Variants in ALDH3A2 observed in about 807,000 individuals in gnomAD.
ALDH3A2 encodes the protein aldehyde dehydrogenase family 3 member A2.
In ALDH3A2, 36 loss-of-function variants were observed where a neutral mutation model predicts 51.3. That is an observed-to-expected ratio of 0.70 (90% CI 0.54 to 0.93). The LOEUF (loss-of-function observed/expected upper bound fraction) is 0.93. Among genes scored for constraint, ALDH3A2 ranks in the 40% least tolerant of loss-of-function variants. The pLI is 0.00. For missense variants in ALDH3A2, 552 were observed against 603.1 expected (o/e 0.92, Z 0.89); for synonymous variants, 199 against 219.8 (o/e 0.91, Z 0.84).
At chr17:19,667,956 A>G (rs12937946) in intron 8 of ALDH3A2, among the ~76,000 whole-genome samples, 42,373 of 152,108 alleles carry the variant, frequency 0.28, 6,352 homozygotes, top group East Asian at 0.52. Flanking sequence ...TGATCAGTAT[A>G]TGAGTGTTTA....
chr17:19,653,899 C>T (rs919000792), intron 3 of ALDH3A2, among the ~76,000 whole-genome samples: 1 of 152,144 alleles, frequency 6.6e-6, no homozygotes, highest in Non-Finnish European at 1.5e-5. Flanking sequence ...CTGATTGGTG[C>T]GTTTACAATC....
intron 6 of ALDH3A2, chr17:19,662,199 T>G (rs1042741463): frequency 2.0e-5 from 3 of 152,264 alleles, no homozygotes; most frequent in African/African-American, 7.2e-5. Flanking sequence ...AGGAAGGGGC[T>G]ATCCTGATTA....
rs915850697 is a variant in ALDH3A2, at chr17:19,654,314, A to G, written c.471+1682A>G. 6.6e-6 allele frequency among the ~76,000 whole-genome samples: 1 copy of G among 152,214 alleles called. No individual in the cohort carries two copies. The highest frequency in any genetic ancestry group is 2.4e-5 in the African/African-American group (1 of 41,466). On this transcript the variant is annotated intron_variant, in intron 3 of 9. Transcript: ENST00000176643. This position sits in a 1 kb window ranked among gnomAD's most constrained non-coding sequence, Gnocchi z 4.5. ...CATCAGTCCAGCGCTGCGCGCCTGC[A>G]CCCCTCAGCCCTTGGGCGGTCGATG...
intron 8 of ALDH3A2, among the ~76,000 whole-genome samples, chr17:19,665,255 TTCTG>T (rs1178749313): frequency 1.3e-5 from 2 of 152,134 alleles, no homozygotes; most frequent in East Asian, 3.9e-4. Flanking sequence ...GTCACTCTCT[TTCTG>T]TCAGCAGCAC....
At chr17:19,662,385 G>A (rs868635408) in intron 6 of ALDH3A2, among the ~76,000 whole-genome samples, 4 of 152,230 alleles carry the variant, frequency 2.6e-5, no homozygotes, top group South Asian at 2.1e-4. Context: ...GCTGCAAGAA[G>A]CTGTCCCCAG....
At chr17:19,662,872 G>T (rs2084984530) in intron 6 of ALDH3A2, among the ~76,000 whole-genome samples, 1 of 152,060 alleles carries the variant, frequency 6.6e-6, no homozygotes, top group Non-Finnish European at 1.5e-5. Context: ...GGGCGTGGTG[G>T]TGCATGCCTG....
At chr17:19,661,038 T>C in intron 5 of ALDH3A2, 89 bp from the exon 6 acceptor site, 1 of 1,287,540 alleles carries the variant, frequency 7.8e-7, no homozygotes, top group Admixed American at 1.8e-5. Flanking sequence ...TAAAACCAGA[T>C]TGATTTTGGG....
At chr17:19,665,351 C>T (rs1391399580) in intron 8 of ALDH3A2, among the ~76,000 whole-genome samples, 1 of 150,628 alleles carries the variant, frequency 6.6e-6, no homozygotes, top group African/African-American at 2.5e-5. Context: ...AATCAGGTCT[C>T]AAATTAATTA....
At chr17:19,672,090 G>C (rs747529359) in intron 9 of ALDH3A2, 134 bp downstream of exon 9, 20 of 861,612 alleles carry the variant, frequency 2.3e-5, no homozygotes, top group African/African-American at 5.0e-5. Flanking sequence ...CTGCTGGCCA[G>C]CTACCCGTTT....
At chr17:19,670,761 C>T (rs144834548) in intron 8 of ALDH3A2, among the ~76,000 whole-genome samples, 8 of 152,306 alleles carry the variant, frequency 5.3e-5, no homozygotes, top group Admixed American at 2.6e-4. Context: ...CGGGATTTAA[C>T]GATGTTGGCC....
At chr17:19,675,476 T>C (rs754759041) in intron 9 of ALDH3A2, 82 bp from the exon 10 acceptor site, 2 of 1,395,140 alleles carry the variant, frequency 1.4e-6, no homozygotes, top group Non-Finnish European at 2.0e-6. Flanking sequence ...TGAGTCCCAG[T>C]GCTGAGCTTG....
intron 1 of ALDH3A2, among the ~76,000 whole-genome samples, chr17:19,650,615 G>A (rs1167675689): frequency 1.3e-5 from 2 of 151,886 alleles, no homozygotes; most frequent in African/African-American, 4.8e-5. Flanking sequence ...CACCGTGCCC[G>A]GCTAATTTTT....
At chr17:19,671,030 C>T (rs2085106159) in intron 8 of ALDH3A2, among the ~76,000 whole-genome samples, 1 of 152,190 alleles carries the variant, frequency 6.6e-6, no homozygotes, top group South Asian at 2.1e-4. Context: ...CATGCCATTC[C>T]CTCTGCCCAG....
intron 8 of ALDH3A2, among the ~76,000 whole-genome samples, chr17:19,670,469 T>C (rs1479872881): frequency 6.6e-6 from 1 of 152,106 alleles, no homozygotes; most frequent in East Asian, 1.9e-4. Context: ...AACTTTGAAC[T>C]CCTGGGCTCA....
chr17:19,670,187 C>T (rs1427728596), intron 8 of ALDH3A2, among the ~76,000 whole-genome samples: 1 of 152,104 alleles, frequency 6.6e-6, no homozygotes, highest in Non-Finnish European at 1.5e-5. Context: ...CTACTTAAAA[C>T]AAACAAACAA....
At position 19,661,173 on chromosome 17, in the gene ALDH3A2, T is replaced by C. The variant is rs775538629; in HGVS notation, c.845T>C (p.Ile282Thr). Residue 282 changes from isoleucine to threonine, a missense_variant, in exon 6 of 10, where the codon ATC becomes ACC. Physicochemically the swap from Ile to Thr is moderately conservative, Grantham distance 89 (BLOSUM62 -1). Transcript: ENST00000176643. ...AAAGAGTCTCCTGATTATGAAAGGA[T>C]CATCAATCTTCGTCATTTTAAGAGG... ...NIKESPDYER[I>T]INLRHFKRIL... The C allele has an allele frequency of 3.1e-6, 5 of 1,612,998 alleles. No individual in the cohort carries two copies. In the African/African-American group the frequency reaches 6.7e-5, roughly 22 times the overall value.
intron 6 of ALDH3A2, among the ~76,000 whole-genome samples, chr17:19,662,306 T>C (rs747949851): frequency 6.6e-6 from 1 of 152,174 alleles, no homozygotes; most frequent in Non-Finnish European, 1.5e-5. Context: ...GCCCAAATTG[T>C]TTCTCTGACC....
rs559743936 is a variant in ALDH3A2, at chr17:19,676,217, T to C, written c.*645T>C. The C allele has an allele frequency of 4.6e-5, 7 of 152,886 alleles. No individual in the cohort carries two copies. Among genetic ancestry groups the C allele is most frequent in the Non-Finnish European group, 5.8e-5 (4 of 68,460 alleles). 9.5% of individuals were successfully genotyped at this position (152,886 alleles called of 1,614,324 possible). On this transcript the variant is annotated 3_prime_UTR_variant, in exon 10 of 10. Coordinates refer to ENST00000176643, the MANE Select transcript of ALDH3A2 (RefSeq NM_000382.3). ...CCTGTGTTCTGTTTAGTTGCAACAATCTCTTGTGACTAATGTCACTCAAAG... is the reference window on the plus strand; with the variant it reads ...CCTGTGTTCTGTTTAGTTGCAACAACCTCTTGTGACTAATGTCACTCAAAG...
At chr17:19,665,891 T>C (rs1450026352) in intron 8 of ALDH3A2, among the ~76,000 whole-genome samples, 1 of 152,198 alleles carries the variant, frequency 6.6e-6, no homozygotes, top group African/African-American at 2.4e-5. Flanking sequence ...CTAAGTCAGT[T>C]GCTCCATGGG....
Sources: allele counts gnomAD v4.1 joint callset (sites outside exome capture counted in the v4.1 genomes callset), GRCh38; gene constraint gnomAD v4.1.1; non-coding constraint Gnocchi (gnomAD v3.1); transcripts MANE v1.5; gene names NCBI Gene and HGNC (gene_info 2026-07-23, HGNC 2026-07-21).